Variants in RNF130 observed in about 807,000 individuals in gnomAD.
RNF130 encodes the protein E3 ubiquitin-protein ligase RNF130.
RNF130 carries 21 observed loss-of-function variants against 44.6 expected under a neutral mutation model. The ratio of observed to expected loss-of-function variants is 0.47; its 90% CI spans 0.33 to 0.68. The LOEUF is 0.68. Among genes scored for constraint, RNF130 ranks in the 30% least tolerant of loss-of-function variants. RNF130 has a pLI of 0.02. For synonymous variants in RNF130, 214 were observed against 210.4 expected (o/e 1.02, Z -0.15); for missense variants, 479 against 560.6 (o/e 0.85, Z 1.47).
intron 2 of RNF130, among the ~76,000 whole-genome samples, chr5:180,019,629 C>A (rs546717067): frequency 1.3e-5 from 2 of 152,268 alleles, no homozygotes; most frequent in South Asian, 2.1e-4. Context: ...TCACTGATCC[C>A]TTAAAGAACT....
chr5:180,068,333 G>A (rs1301453737), intron 1 of RNF130, among the ~76,000 whole-genome samples: 3 of 152,344 alleles, frequency 2.0e-5, no homozygotes, highest in East Asian at 1.9e-4. Flanking sequence ...GAAAGCAACC[G>A]TGATCTGTGC....
At chr5:180,001,950 A>G (rs941168815) in intron 3 of RNF130, among the ~76,000 whole-genome samples, 2 of 152,210 alleles carry the variant, frequency 1.3e-5, no homozygotes, top group Admixed American at 6.5e-5. Flanking sequence ...ATGGTGTACT[A>G]TATCAGCTCA....
chr5:179,974,517 G>A lies in RNF130; in HGVS notation c.848+3686C>T, dbSNP rs188154686. Among the ~76,000 whole-genome samples, 154 of 152,336 alleles carry A rather than the reference G, an allele frequency of 1.0e-3. 2 individuals carry two copies. The highest frequency in any genetic ancestry group is 2.7e-3 in the African/African-American group (114 of 41,582). On this transcript the variant is annotated intron_variant, in intron 5 of 8. Transcript: ENST00000521389. Reference sequence around the variant, plus strand: ...ACAGAAGAGGAAAAGGAAACGTCACGTGGCAAGAAGCAGGCAATCCATGAG... The same window carrying A: ...ACAGAAGAGGAAAAGGAAACGTCACATGGCAAGAAGCAGGCAATCCATGAG...
intron 7 of RNF130, among the ~76,000 whole-genome samples, chr5:179,925,184 A>C (rs1189940500): frequency 1.3e-5 from 2 of 152,230 alleles, no homozygotes; most frequent in Non-Finnish European, 2.9e-5. Flanking sequence ...GCTGGTCACC[A>C]GAAGGACCAA....
chr5:180,055,698 G>A (rs1052747766), intron 1 of RNF130, among the ~76,000 whole-genome samples: 5 of 152,088 alleles, frequency 3.3e-5, no homozygotes, highest in Non-Finnish European at 4.4e-5. Flanking sequence ...CTCATCAAAT[G>A]GACAAATGCC....
chr5:179,936,555 C>T (rs1161254015), intron 7 of RNF130, among the ~76,000 whole-genome samples: 1 of 152,106 alleles, frequency 6.6e-6, no homozygotes, highest in Non-Finnish European at 1.5e-5. Context: ...GCTTTCCCCA[C>T]TAGATGTTTA....
chr5:180,043,349 T>C (rs1258424687), intron 1 of RNF130, among the ~76,000 whole-genome samples: 1 of 150,578 alleles, frequency 6.6e-6, no homozygotes, highest in African/African-American at 2.4e-5. Context: ...AATTCCTTCA[T>C]TCTTCAATGC....
Position 179,946,003 on chromosome 5 carries a change from T to C in RNF130, c.1150+20803A>G, listed in dbSNP as rs575073467. Among the ~76,000 whole-genome samples the C allele has an allele frequency of 3.3e-5, 5 of 152,336 alleles. No individual in the cohort carries two copies. The South Asian group carries it at 1.0e-3, about 32-fold the overall frequency. ...TGCCCAGCTGTGAGTGACAGAAGCA[T>C]ATGACTGACGTTCCTTCAGCAAGTC... On this transcript the variant is annotated intron_variant, in intron 7 of 7. Coordinates refer to the RNF130 transcript ENST00000522208.
chr5:179,975,039 C>T (rs762248345), intron 5 of RNF130, among the ~76,000 whole-genome samples: 1 of 152,220 alleles, frequency 6.6e-6, no homozygotes, highest in Admixed American at 6.5e-5. Context: ...GTGCCGAATG[C>T]GGAGCGCCAG....
At chr5:179,978,755 C>T (rs1762767959) in intron 4 of RNF130, among the ~76,000 whole-genome samples, 1 of 152,156 alleles carries the variant, frequency 6.6e-6, no homozygotes, top group African/African-American at 2.4e-5. Flanking sequence ...AAACCCACCC[C>T]AAGAATGGGA....
intron 7 of RNF130, among the ~76,000 whole-genome samples, chr5:179,947,539 G>C (rs890091988): frequency 6.6e-6 from 1 of 152,190 alleles, no homozygotes; most frequent in South Asian, 2.1e-4. Context: ...CTTATGTGTT[G>C]AAATCCAGCC....
In RNF130 at chr5:179,966,915, G is replaced by A. The variant is rs141460505; in HGVS notation, c.1041C>T (p.Ala347=). 7.4e-6 allele frequency: 12 copies of A among 1,614,218 alleles called. No homozygotes were observed. The highest frequency in any genetic ancestry group is 3.3e-4 in the Middle Eastern group (2 of 6,062). Residue 347 remains alanine (A), a synonymous_variant, in exon 7 of 9, where the codon GCC becomes GCT. Transcript: ENST00000521389. ...VNRRSALGDL[A]GDNSLGLEPL... ...GCTCAAGGCCAAGGGAGTTGTCGCC[G>A]GCGAGGTCGCCGAGGGCTGATCTTC... is the stretch of plus-strand genomic sequence containing the variant.
intron 7 of RNF130, among the ~76,000 whole-genome samples, chr5:179,928,058 TC>T (rs1273392348): frequency 6.6e-6 from 1 of 152,218 alleles, no homozygotes; most frequent in Admixed American, 6.5e-5. Context: ...TGTTCCACTG[TC>T]TGGCCACCAC....
intron 2 of RNF130, among the ~76,000 whole-genome samples, chr5:180,024,334 C>A (rs1169398745): frequency 6.6e-6 from 1 of 152,172 alleles, no homozygotes; most frequent in African/African-American, 2.4e-5. Context: ...CCCTGTGGTA[C>A]AACAAATTAA....
chr5:179,994,212 A>G (rs943017127), intron 3 of RNF130, among the ~76,000 whole-genome samples: 1 of 152,176 alleles, frequency 6.6e-6, no homozygotes, highest in East Asian at 1.9e-4. Context: ...TTGGTTCCAT[A>G]TGAACTTTAA....
intron 7 of RNF130, among the ~76,000 whole-genome samples, chr5:179,942,662 T>C (rs1351813906): frequency 3.9e-5 from 6 of 152,228 alleles, no homozygotes; most frequent in Non-Finnish European, 8.8e-5. Context: ...TTCAGGTTAC[T>C]ATGAAGACTG....
chr5:180,049,284 C>T (rs1245773305), intron 1 of RNF130, among the ~76,000 whole-genome samples: 1 of 152,146 alleles, frequency 6.6e-6, no homozygotes, highest in Non-Finnish European at 1.5e-5. Context: ...AGTGGAGAGC[C>T]CCACTTGAAG....
intron 7 of RNF130, among the ~76,000 whole-genome samples, chr5:179,932,057 T>C (rs1761815583): frequency 6.6e-6 from 1 of 152,200 alleles, no homozygotes; most frequent in Non-Finnish European, 1.5e-5. Context: ...TTGCAATAAA[T>C]TTGTTTCCTT....
rs778316389 is a variant in RNF130, at chr5:180,015,607, G to GGGAAAGGAGTA, written c.443-2307_443-2297dup. Among the ~76,000 whole-genome samples the GGGAAAGGAGTA allele has an allele frequency of 2.6e-4, 6 of 22,920 alleles. 3 individuals carry two copies. The highest frequency in any genetic ancestry group is 5.1e-4 in the Non-Finnish European group (6 of 11,832). The allele number at this position is 22,920 out of a possible 152,430, so 15.0% of individuals were successfully genotyped here. A position where few individuals can be genotyped will look rare whatever the true frequency, so the allele number is the denominator to read the frequency against. On this transcript the variant is annotated intron_variant, in intron 2 of 8. Transcript: ENST00000521389. ...AGGGAAAGGAGTAGGGAAAGGAGTA[G>GGGAAAGGAGTA]GGAAAGGAGTAGGGAAAGGAGTAGG... is the stretch of plus-strand genomic sequence containing the variant.
Sources: allele counts gnomAD v4.1 joint callset (sites outside exome capture counted in the v4.1 genomes callset), GRCh38; gene constraint gnomAD v4.1.1; transcripts MANE v1.5; gene names NCBI Gene and HGNC (gene_info 2026-07-23, HGNC 2026-07-21).